The following ABI1 variants were observed in gnomAD, a reference collection of about 807,000 sequenced individuals.
ABI1 encodes abl interactor 1, also known as Abelson interactor 1.
In ABI1, 14 loss-of-function variants were observed where a neutral mutation model predicts 54.6. The observed-to-expected ratio is 0.26, with a 90% CI of 0.17 to 0.40. The LOEUF (loss-of-function observed/expected upper bound fraction) is 0.40, where lower values mean the gene tolerates loss of function less well. ABI1 is among the 10% of genes least tolerant of loss of function. The probability of loss-of-function intolerance (pLI) is 1.00; values close to 1 mark genes in which losing one functional copy is unlikely to be tolerated. For synonymous variants in ABI1, 194 were observed against 209.3 expected (o/e 0.93, Z 0.63); for missense variants, 443 against 598.3 (o/e 0.74, Z 2.71).
intron 2 of ABI1, among the ~76,000 whole-genome samples, chr10:26,778,827 G>A (rs1003528364): frequency 1.3e-5 from 2 of 152,136 alleles, no homozygotes; most frequent in African/African-American, 2.4e-5. Context: ...TAGACCTCCA[G>A]GAGAAAGGTT....
intron 8 of ABI1, among the ~76,000 whole-genome samples, chr10:26,757,138 A>G (rs1006579893): frequency 6.6e-5 from 10 of 152,164 alleles, no homozygotes; most frequent in African/African-American, 2.2e-4. Context: ...TGCTGTGAAG[A>G]TACTAATCAT....
rs1457743265 is a variant in ABI1 at position 26,748,488 on chromosome 10, CAT to C, written c.*80_*81del. 9 of 1,031,766 alleles carry C rather than the reference CAT, an allele frequency of 8.7e-6. No homozygotes were observed. Among genetic ancestry groups the C allele is most frequent in the South Asian group, 2.1e-5 (1 of 47,432 alleles). The allele number at this position is 1,031,766 out of a possible 1,614,324, so 63.9% of individuals were successfully genotyped here. A position where few individuals can be genotyped will look rare whatever the true frequency, so the allele number is the denominator to read the frequency against. On this transcript the variant is annotated 3_prime_UTR_variant, in exon 11 of 11. Coordinates refer to ENST00000376140, the MANE Select transcript of ABI1 (RefSeq NM_001012750.3). ...CTGAAAATATGGGCACATTTTAAAA[CAT>C]ATTAAGACAGTTCTGTTAACCATAA...
intron 2 of ABI1, among the ~76,000 whole-genome samples, chr10:26,805,642 G>A (rs150801597): frequency 9.3e-4 from 141 of 152,268 alleles, no homozygotes; most frequent in African/African-American, 3.0e-3. Context: ...AAGCAGGATT[G>A]CCAGCTGTTT....
chr10:26,754,590 G>A (rs1838046047), intron 9 of ABI1, among the ~76,000 whole-genome samples: 1 of 152,180 alleles, frequency 6.6e-6, no homozygotes, highest in South Asian at 2.1e-4. Flanking sequence ...TGGCAGGAGG[G>A]AGGGAATGGG....
intron 2 of ABI1, among the ~76,000 whole-genome samples, chr10:26,784,588 TA>T (rs1359301712): frequency 6.6e-6 from 1 of 152,120 alleles, no homozygotes; most frequent in Admixed American, 6.5e-5. Flanking sequence ...TAGGACAATA[TA>T]AACAACACAT....
chr10:26,829,529 A>G (rs996375574), intron 1 of ABI1, among the ~76,000 whole-genome samples: 39 of 152,228 alleles, frequency 2.6e-4, no homozygotes, highest in African/African-American at 8.2e-4. Flanking sequence ...TAACTTAGAC[A>G]TTCCACAATG....
At chr10:26,824,182 A>C (rs898955533) in intron 1 of ABI1, among the ~76,000 whole-genome samples, 2 of 152,218 alleles carry the variant, frequency 1.3e-5, no homozygotes, top group African/African-American at 4.8e-5. Context: ...AACCTCACTC[A>C]TTATAGGAAA....
intron 2 of ABI1, among the ~76,000 whole-genome samples, chr10:26,800,330 G>GGCCAAGATCGC (rs2046465023): frequency 6.6e-6 from 1 of 151,938 alleles, no homozygotes; most frequent in Non-Finnish European, 1.5e-5. Flanking sequence ...GGTTGCAGTG[G>GGCCAAGATCGC]GCCAAGATCG....
intron 2 of ABI1, among the ~76,000 whole-genome samples, chr10:26,797,373 A>G (rs935457675): frequency 5.3e-5 from 8 of 152,228 alleles, no homozygotes; most frequent in African/African-American, 1.7e-4. Context: ...TATGCACTCT[A>G]TAAGTGCTCT....
intron 10 of ABI1, 124 bp from the exon 11 acceptor site, chr10:26,748,869 TTG>T (rs1491024527): frequency 5.3e-6 from 4 of 748,178 alleles, no homozygotes; most frequent in Non-Finnish European, 8.4e-6. Context: ...TTCTTAATTT[TTG>T]TATCTATCAA....
In ABI1 at chr10:26,759,183, A is replaced by C. The variant is rs137879412; in HGVS notation, c.876T>G (p.Ser292=). The C allele has an allele frequency of 1.2e-6, 2 of 1,613,986 alleles. No individual in the cohort carries two copies. The highest frequency in any genetic ancestry group is 2.7e-5 in the African/African-American group (2 of 74,906). Residue 292 remains serine (S), a synonymous_variant, in exon 8 of 11, where the codon TCT becomes TCG. Transcript: ENST00000376140. ...TCGAAGAAGTAGTAGAGTTGTGTCG[A>C]GATATCTGCCTGGTCATTGTGCCAT... ...SQYGTMTRQI[S]RHNSTTSSTS... is the part of the protein sequence containing the mutation.
chr10:26,793,634 C>CT (rs1564508355), intron 2 of ABI1, among the ~76,000 whole-genome samples: 1 of 152,196 alleles, frequency 6.6e-6, no homozygotes, highest in African/African-American at 2.4e-5. Context: ...ACTAAATACT[C>CT]TATGTGGTAA....
intron 2 of ABI1, among the ~76,000 whole-genome samples, chr10:26,819,147 T>G (rs1407142838): frequency 6.6e-6 from 1 of 151,990 alleles, no homozygotes; most frequent in Admixed American, 6.5e-5. Context: ...CCAGAAGCCC[T>G]AAGGCAAACA....
At chr10:26,830,362 CTG>C (rs1243039545) in intron 1 of ABI1, among the ~76,000 whole-genome samples, 1 of 152,124 alleles carries the variant, frequency 6.6e-6, no homozygotes, top group Non-Finnish European at 1.5e-5. Context: ...GGGCTCATGA[CTG>C]TAATCTCAGC....
chr10:26,766,152 T>C (rs957396551), intron 6 of ABI1, among the ~76,000 whole-genome samples: 12 of 152,222 alleles, frequency 7.9e-5, no homozygotes, highest in Admixed American at 7.2e-4. Flanking sequence ...GGAAATTTTC[T>C]GGAAAATAAG....
chr10:26,775,548 T>C (rs1277556460), intron 3 of ABI1, among the ~76,000 whole-genome samples: 1 of 152,014 alleles, frequency 6.6e-6, no homozygotes, highest in Non-Finnish European at 1.5e-5. Flanking sequence ...AGAAAGCAGA[T>C]TTCCAAAATT....
At position 26,755,663 on chromosome 10, in the gene ABI1, T is replaced by C; in HGVS notation, c.1076A>G (p.Gln359Arg). 6.2e-7 allele frequency: 1 copy of C among 1,613,074 alleles called. No homozygotes were observed. The highest frequency in any genetic ancestry group is 8.5e-7 in the Non-Finnish European group (1 of 1,179,222). ...AGTTTTTCCAAACTTACTGTTTTCC[T>C]GCACCCTGGCCACGAAGCCTGTGAG... ...IPLTGFVARV[Q>R]ENIADSPTPP... The change falls in exon 9 of 11, where the codon CAG becomes CGG. Residue 359 changes from glutamine to arginine, a missense_variant. By Grantham distance (43) the Gln-to-Arg change is conservative. Coordinates refer to ENST00000376140, the MANE Select transcript of ABI1 (RefSeq NM_001012750.3).
chr10:26,847,926 G>A (rs1314821451), intron 1 of ABI1, among the ~76,000 whole-genome samples: 2 of 151,864 alleles, frequency 1.3e-5, no homozygotes, highest in Non-Finnish European at 2.9e-5. Flanking sequence ...CTCACATGTT[G>A]GGAGGCCGAG....
intron 7 of ABI1, among the ~76,000 whole-genome samples, chr10:26,759,906 C>T (rs1016680307): frequency 5.4e-5 from 8 of 147,888 alleles, no homozygotes; most frequent in Admixed American, 3.3e-4. Context: ...TGTAGATCTC[C>T]AAAGTTTTAA....
Sources: allele counts gnomAD v4.1 joint callset (sites outside exome capture counted in the v4.1 genomes callset), GRCh38; gene constraint gnomAD v4.1.1; transcripts MANE v1.5; gene names NCBI Gene and HGNC (gene_info 2026-07-23, HGNC 2026-07-21).